FBH1: variants seen among roughly 807,000 people sequenced by gnomAD.
FBH1 encodes F-box DNA helicase 1.
FBH1 carries 43 observed loss-of-function variants against 115.5 expected under a neutral mutation model. The observed-to-expected ratio is 0.37, with a 90% CI of 0.29 to 0.48. The LOEUF (loss-of-function observed/expected upper bound fraction) is 0.48, where lower values mean the gene tolerates loss of function less well. Among genes scored for constraint, FBH1 ranks in the 20% least tolerant of loss-of-function variants. FBH1 has a pLI of 0.99. For missense variants in FBH1, 1,001 were observed against 1,337.3 expected (o/e 0.75, Z 3.92); for synonymous variants, 524 against 507.8 (o/e 1.03, Z -0.43).
At chr10:5,916,662 T>C (rs1393576369) in intron 10 of FBH1, among the ~76,000 whole-genome samples, 2 of 138,672 alleles carry the variant, frequency 1.4e-5, no homozygotes, top group East Asian at 4.3e-4. Context: ...GGTCTGAGGA[T>C]GGGGGATCAG....
At chr10:5,889,577 C>T (rs1842560882), upstream of FBH1, 1 of 245,076 alleles carries the variant, frequency 4.1e-6, no homozygotes, top group South Asian at 1.7e-4. Context: ...CCCTCACAGC[C>T]CCGGCCTGCC....
Position 5,921,229 on chromosome 10 carries a change from G to T in FBH1, c.2101-29G>T. ...GCACGGACACACCACAGGGCGGGCTGCTGACTCCCTCTGTCTTGTTGTTTT... is the reference window on the plus strand; with the variant it reads ...GCACGGACACACCACAGGGCGGGCTTCTGACTCCCTCTGTCTTGTTGTTTT... On this transcript the variant is annotated intron_variant, in intron 13 of 20. Coordinates refer to ENST00000362091, the MANE Select transcript of FBH1 (RefSeq NM_178150.3). The surrounding 1 kb of genome is among the most constrained non-coding windows in gnomAD (Gnocchi z 6.4). The T allele has an allele frequency of 1.2e-6, 2 of 1,606,458 alleles. No homozygotes were observed. Among genetic ancestry groups the T allele is most frequent in the Non-Finnish European group, 1.7e-6 (2 of 1,173,340 alleles).
rs1279447019 is a variant in FBH1 at position 5,933,438 on chromosome 10, G to A, written c.2830-3018G>A. ...TAGACTTTTTAAAGCTGATTGGAAG[G>A]TTGTCAGTTGGTTGCTGCATGCATT... On this transcript the variant is annotated intron_variant, in intron 19 of 20. Transcript: ENST00000362091. This position sits in a 1 kb window ranked among gnomAD's most constrained non-coding sequence, Gnocchi z 4.9. 1.3e-5 allele frequency among the ~76,000 whole-genome samples: 2 copies of A among 152,178 alleles called. No homozygotes were observed. Among genetic ancestry groups the A allele is most frequent in the African/African-American group, 2.4e-5 (1 of 41,446 alleles).
chr10:5,903,448 C>T (rs866276877), intron 2 of FBH1, among the ~76,000 whole-genome samples: 12 of 151,588 alleles, frequency 7.9e-5, no homozygotes, highest in South Asian at 6.3e-4. Context: ...CTCCTGCCTC[C>T]GCCTCCTGAG....
intron 18 of FBH1, among the ~76,000 whole-genome samples, chr10:5,926,533 A>T (rs1832662498): frequency 6.6e-6 from 1 of 152,250 alleles, no homozygotes. Flanking sequence ...ATTTCTGTAC[A>T]AACAAACAAA....
Position 5,936,428 on chromosome 10 carries a change from ACT to A in FBH1, c.2830-23_2830-22del. The A allele has an allele frequency of 2.5e-6, 4 of 1,609,688 alleles. No individual in the cohort carries two copies. The highest frequency in any genetic ancestry group is 1.7e-4 in the Middle Eastern group (1 of 5,752). ...AGACCCTAACGGAGGTGTCGCCATG[ACT>A]CTCTTTCTCGCTCTTTCTTTCTCAG... On this transcript the variant is annotated intron_variant, in intron 19 of 20. Coordinates refer to ENST00000362091, the MANE Select transcript of FBH1 (RefSeq NM_178150.3). This position sits in a 1 kb window ranked among gnomAD's most constrained non-coding sequence, Gnocchi z 5.6.
In FBH1 at chr10:5,909,270, C is replaced by T. The variant is rs1589072360; in HGVS notation, c.996C>T (p.Leu332=). ...CTGAGGCGTGTGTGCGGCAACACCT[C>T]CCCGACCTCTACGCTGCTGCCGGGG... ...PEAEACVRQH[L]PDLYAAAGGV... Residue 332 remains leucine (L), a synonymous_variant, in exon 5 of 21, where the codon CTC becomes CTT. Transcript: ENST00000362091. This position sits in a 1 kb window ranked among gnomAD's most constrained non-coding sequence, Gnocchi z 4.4. 6.2e-7 allele frequency: 1 copy of T among 1,611,548 alleles called. No homozygotes were observed. The highest frequency in any genetic ancestry group is 8.5e-7 in the Non-Finnish European group (1 of 1,180,004).
rs147059493 is a variant in FBH1 at position 5,906,161 on chromosome 10, C to T, written c.282C>T (p.Ile94=). Residue 94 remains isoleucine, a synonymous_variant, in exon 3 of 21, where the codon ATC becomes ATT. Transcript: ENST00000362091. The surrounding 1 kb of genome is among the most constrained non-coding windows in gnomAD (Gnocchi z 7.3). ...GTCAGGACTCTGAGGGTGACATGAT[C>T]TTTCCTGCAGAGAGCAGCTGTGCAC... ...DSCQDSEGDM[I]FPAESSCALP... 1.9e-6 allele frequency: 3 copies of T among 1,614,066 alleles called. No homozygotes were observed. Among genetic ancestry groups the T allele is most frequent in the Non-Finnish European group, 2.5e-6 (3 of 1,180,028 alleles).
Position 5,906,380 on chromosome 10 carries a change from G to A in FBH1, c.501G>A (p.Glu167=). 6.2e-7 allele frequency: 1 copy of A among 1,614,144 alleles called. No individual in the cohort carries two copies. The part of the protein sequence containing the change: ...TRPREARQEA[E]DSTSRLSAES... ...CTAGGGAGGCCAGGCAAGAAGCAGA[G>A]GACAGTACGTCTCGGCTCTCTGCGG... is the stretch of plus-strand genomic sequence containing the variant. Residue 167 remains glutamate (E), a synonymous_variant, in exon 3 of 21, where the codon GAG becomes GAA. Transcript: ENST00000362091. The surrounding 1 kb of genome is among the most constrained non-coding windows in gnomAD (Gnocchi z 7.3).
Position 5,917,563 on chromosome 10 carries a change from C to G in FBH1, c.1877-27C>G. 6.2e-7 allele frequency: 1 copy of G among 1,613,664 alleles called. No individual in the cohort carries two copies. The highest frequency in any genetic ancestry group is 8.5e-7 in the Non-Finnish European group (1 of 1,179,586). ...CAATGGGACTGCCTTCCTGGCGTTA[C>G]AACTCCTGCGTCTCTCCTTATTTTA... On this transcript the variant is annotated intron_variant, in intron 11 of 20. Coordinates refer to ENST00000362091, the MANE Select transcript of FBH1 (RefSeq NM_178150.3). The surrounding 1 kb of genome is among the most constrained non-coding windows in gnomAD (Gnocchi z 5.6).
intron 18 of FBH1, among the ~76,000 whole-genome samples, chr10:5,926,643 A>T (rs1832670741): frequency 6.6e-6 from 1 of 152,252 alleles, no homozygotes; most frequent in Non-Finnish European, 1.5e-5. Flanking sequence ...AACATAGACC[A>T]TGGTTTGGAG....
rs1262797894 is a variant in FBH1, at chr10:5,900,755, A to G, written c.2-2265A>G. On this transcript the variant is annotated intron_variant, in intron 1 of 20. Coordinates refer to ENST00000362091, the MANE Select transcript of FBH1 (RefSeq NM_178150.3). The surrounding 1 kb of genome is among the most constrained non-coding windows in gnomAD (Gnocchi z 4.2). ...GAATAATGAAAAAATATTGTAAACT[A>G]TATCAGCTAAATCACTGGGGTCTTG... 6.6e-6 allele frequency among the ~76,000 whole-genome samples: 1 copy of G among 152,200 alleles called. No individual in the cohort carries two copies. Among genetic ancestry groups the G allele is most frequent in the East Asian group, 1.9e-4 (1 of 5,202 alleles).
intron 1 of FBH1, among the ~76,000 whole-genome samples, chr10:5,893,571 G>A (rs1028477908): frequency 6.6e-6 from 1 of 152,016 alleles, no homozygotes; most frequent in South Asian, 2.1e-4. Flanking sequence ...GTTTCCTTCC[G>A]CCTTACTGAA....
At position 5,918,379 on chromosome 10, in the gene FBH1, A is replaced by G. The variant is rs763897722; in HGVS notation, c.2001A>G (p.Lys667=). Residue 667 remains lysine, a synonymous_variant, in exon 13 of 21, where the codon AAA becomes AAG. Transcript: ENST00000362091. The surrounding 1 kb of genome is among the most constrained non-coding windows in gnomAD (Gnocchi z 4.0). ...TAGTTCTGTCTCAGCCATGTGGGAAAATCTTTGTAGGGGACCCGCACCAGC... is the reference window on the plus strand; with the variant it reads ...TAGTTCTGTCTCAGCCATGTGGGAAGATCTTTGTAGGGGACCCGCACCAGC... The part of the protein sequence containing the change: ...MNIVLSQPCG[K]IFVGDPHQQI... The G allele has an allele frequency of 2.5e-6, 4 of 1,613,202 alleles. No homozygotes were observed. The South Asian group carries it at 4.4e-5, about 18-fold the overall frequency.
At position 5,910,507 on chromosome 10, in the gene FBH1, C is replaced by T. The variant is rs1229473796; in HGVS notation, c.1021-431C>T. Among the ~76,000 whole-genome samples, 2 of 152,140 alleles carry T rather than the reference C, an allele frequency of 1.3e-5. No homozygotes were observed. Among genetic ancestry groups the T allele is most frequent in the African/African-American group, 4.8e-5 (2 of 41,434 alleles). ...TTTTATTTTCCCCACAGCCTGCGTG[C>T]GGCCCTCTCCTGTGTCTGCGTCTCT... On this transcript the variant is annotated intron_variant, in intron 5 of 20. Coordinates refer to ENST00000362091, the MANE Select transcript of FBH1 (RefSeq NM_178150.3). The surrounding 1 kb of genome is among the most constrained non-coding windows in gnomAD (Gnocchi z 4.8).
Position 5,897,598 on chromosome 10 carries a change from C to G in FBH1, c.2-5422C>G, listed in dbSNP as rs1458356164. 6.6e-6 allele frequency among the ~76,000 whole-genome samples: 1 copy of G among 152,224 alleles called. No individual in the cohort carries two copies. Among genetic ancestry groups the G allele is most frequent in the African/African-American group, 2.4e-5 (1 of 41,450 alleles). On this transcript the variant is annotated intron_variant, in intron 1 of 20. Coordinates refer to ENST00000362091, the MANE Select transcript of FBH1 (RefSeq NM_178150.3). This position sits in a 1 kb window ranked among gnomAD's most constrained non-coding sequence, Gnocchi z 4.7. Reference sequence around the variant, plus strand: ...TCCAATAAAAGTACCAGCTCTCCCGCCAGCCAAACTATGGCTGGTAACGCC... The same window carrying G: ...TCCAATAAAAGTACCAGCTCTCCCGGCAGCCAAACTATGGCTGGTAACGCC...
chr10:5,894,408 C>A, intron 1 of FBH1: 1 of 1,611,212 alleles, frequency 6.2e-7, no homozygotes. Context: ...TGTCTAGATA[C>A]AGAGTGAAGA....
rs74539372 is a variant in FBH1, at chr10:5,895,560, A to G, written c.1+5214A>G. Among the ~76,000 whole-genome samples, 2,428 of 152,306 alleles carry G rather than the reference A, an allele frequency of 0.016. 79 individuals are homozygous for G. The highest frequency in any genetic ancestry group is 0.15 in the East Asian group (758 of 5,176). The stretch of plus-strand genomic sequence containing the variant: ...AGGGTAAGCTTTGCTGCAGTGACAA[A>G]TAGATCCAGACATGTAATGGCCTCA... On this transcript the variant is annotated intron_variant, in intron 1 of 20. Coordinates refer to ENST00000362091, the MANE Select transcript of FBH1 (RefSeq NM_178150.3). The surrounding 1 kb of genome is among the most constrained non-coding windows in gnomAD (Gnocchi z 5.0).
intron 6 of FBH1, among the ~76,000 whole-genome samples, chr10:5,912,510 A>AG (rs942297910): frequency 1.1e-4 from 5 of 47,430 alleles, no homozygotes; most frequent in Admixed American, 3.7e-4. Context: ...GGGCCGGGGG[A>AG]GGGGGGTCCC....
Sources: gnomAD v4.1 joint callset for allele counts (sites outside exome capture counted in the v4.1 genomes callset) on GRCh38, gnomAD v4.1.1 for gene constraint, Gnocchi (gnomAD v3.1) non-coding constraint, MANE v1.5 for transcripts, NCBI Gene and HGNC (gene_info 2026-07-23, HGNC 2026-07-21) for gene names.